Variants in SMG1 observed in about 807,000 individuals in gnomAD.
SMG1 encodes the protein serine/threonine-protein kinase SMG1.
SMG1 carries 22 observed loss-of-function variants against 419.9 expected under a neutral mutation model. The observed-to-expected ratio is 0.05, with a 90% confidence interval of 0.04 to 0.07. The LOEUF is 0.07. Ranked by LOEUF, SMG1 falls within the 10% of genes least tolerant of loss-of-function variation. SMG1 has a pLI of 1.00. For synonymous variants in SMG1, 1,538 were observed against 1,553.5 expected, an observed-to-expected ratio of 0.99 and a Z score of 0.23; for missense variants, 3,185 against 4,342.0, an observed-to-expected ratio of 0.73 and a Z score of 7.49.
At chr16:18,837,966 T>G in intron 45 of SMG1, 48 bp downstream of exon 45, 1 of 1,575,570 alleles carries the variant, frequency 6.3e-7, no homozygotes, top group Non-Finnish European at 8.7e-7. Context: ...GCATGTTTAC[T>G]CTATTAATAA....
chr16:18,830,178 T>C, intron 52 of SMG1, 41 bp downstream of exon 52: 2 of 1,611,092 alleles, frequency 1.2e-6, no homozygotes, highest in Non-Finnish European at 1.7e-6. Context: ...ACAACTACTT[T>C]ATGGCACTTG....
chr16:18,866,420 T>G, intron 23 of SMG1: 1 of 602,826 alleles, frequency 1.7e-6, no homozygotes, highest in Non-Finnish European at 2.9e-6. Context: ...TTGCCACTAA[T>G]TCTTCAGTAA....
At chr16:18,826,975 A>T (rs2032726527) in intron 55 of SMG1, among the ~76,000 whole-genome samples, 1 of 41,238 alleles carries the variant, frequency 2.4e-5, no homozygotes, top group Non-Finnish European at 6.6e-5. Context: ...GCCGTTTCTT[A>T]AGCCGGTCTG....
At chr16:18,916,801 A>C (rs1187815571) in intron 1 of SMG1, among the ~76,000 whole-genome samples, 1 of 152,128 alleles carries the variant, frequency 6.6e-6, no homozygotes, top group Non-Finnish European at 1.5e-5. Context: ...TAATGACAAC[A>C]TGAAAAGATA....
chr16:18,905,472 C>T (rs552994484), intron 1 of SMG1, among the ~76,000 whole-genome samples: 1 of 152,230 alleles, frequency 6.6e-6, no homozygotes, highest in Admixed American at 6.6e-5. Flanking sequence ...ACCTTCTTGG[C>T]TCTAAAATCC....
Position 18,812,074 on chromosome 16 carries a change from C to T in SMG1, c.10675G>A (p.Ala3559Thr), listed in dbSNP as rs1567307410. The change falls in exon 61 of 63, where the codon GCT becomes ACT. Residue 3559 changes from alanine (A) to threonine (T), a missense_variant. This residue lies in a region of SMG1 where 737 missense variants were observed against 846.6 expected (regional missense o/e 0.87). Coordinates refer to ENST00000446231, the MANE Select transcript of SMG1 (RefSeq NM_015092.5). ...AGATTTTTTTGGATCAGCTTTCTAGCATTCTGTGACATGACATCAGGCTGA... is the reference window on the plus strand; with the variant it reads ...AGATTTTTTTGGATCAGCTTTCTAGTATTCTGTGACATGACATCAGGCTGA... The part of the protein sequence containing the change: ...KTQPDVMSQN[A>T]RKLIQKNLAT... The T allele has an allele frequency of 1.2e-6, 2 of 1,613,944 alleles. No individual in the cohort carries two copies. The highest frequency in any genetic ancestry group is 1.3e-5 in the African/African-American group (1 of 75,042).
At chr16:18,874,985 A>C (rs1278142564) in intron 13 of SMG1, 2 of 142,178 alleles carry the variant, frequency 1.4e-5, no homozygotes, top group Non-Finnish European at 3.0e-5. Flanking sequence ...GAAGTGTTTC[A>C]GACTTTGTAT....
chr16:18,820,174 C>G (rs982538348), intron 55 of SMG1, among the ~76,000 whole-genome samples: 6 of 152,106 alleles, frequency 3.9e-5, no homozygotes, highest in African/African-American at 1.4e-4. Context: ...CCATCTTGGC[C>G]AGGCTGGTCT....
intron 14 of SMG1, 44 bp from the exon 15 acceptor site, chr16:18,872,389 A>C: frequency 6.6e-7 from 1 of 1,510,764 alleles, no homozygotes; most frequent in Non-Finnish European, 8.8e-7. Flanking sequence ...TTAATCAAAG[A>C]AAGCAAGCAA....
intron 24 of SMG1, 70 bp from the exon 25 acceptor site, chr16:18,863,921 A>T: frequency 6.3e-7 from 1 of 1,575,050 alleles, no homozygotes; most frequent in East Asian, 2.3e-5. Context: ...GAGCACAGAA[A>T]CCTAAAAACA....
chr16:18,864,062 A>T lies in SMG1; in HGVS notation c.3433T>A (p.Ser1145Thr). 2 of 1,549,842 alleles carry T rather than the reference A, an allele frequency of 1.3e-6. No homozygotes were observed. The highest frequency in any genetic ancestry group is 1.7e-6 in the Non-Finnish European group (2 of 1,146,918). The change falls in exon 24 of 63, where the codon TCG becomes ACG. Residue 1145 changes from serine (S) to threonine (T), a missense_variant. Physicochemically the swap from Ser to Thr is moderately conservative, Grantham distance 58 (BLOSUM62 1). Around this residue, in one of 27 missense-constraint regions of SMG1, gnomAD observed 121 missense variants for 125.4 expected, o/e 0.96. Coordinates refer to ENST00000446231, the MANE Select transcript of SMG1 (RefSeq NM_015092.5). ...CCAGCATTGGCTAAGGTGAGCACCG[A>T]TTTGTCAAAGCTGGAGATGCAGCAA... ...VDCCISSFDK[S>T]VLTLANAGRN...
Position 18,836,193 on chromosome 16 carries a change from T to C in SMG1, c.7797A>G (p.Pro2599=). ...QMDLGPPSYV[P]ATAFLQNAGQ... is the part of the protein sequence containing the mutation. ...CAGCATTCTGCAGAAAGGCTGTTGC[T>C]GGCACGTAACTTGGAGGACCTTTTG... The change falls in exon 48 of 63, where the codon CCA becomes CCG. Residue 2599 remains proline, a synonymous_variant. Transcript: ENST00000446231. The C allele has an allele frequency of 1.9e-6, 3 of 1,612,188 alleles. No homozygotes were observed. Among genetic ancestry groups the C allele is most frequent in the Non-Finnish European group, 2.5e-6 (3 of 1,178,956 alleles).
chr16:18,858,944 A>G, intron 28 of SMG1, 78 bp downstream of exon 28: 2 of 941,852 alleles, frequency 2.1e-6, no homozygotes, highest in Non-Finnish European at 3.0e-6. Context: ...TATTTCAAAA[A>G]ACTAAAAAAA....
At chr16:18,913,957 G>A (rs1165802553) in intron 1 of SMG1, among the ~76,000 whole-genome samples, 8 of 151,890 alleles carry the variant, frequency 5.3e-5, no homozygotes, top group Middle Eastern at 3.2e-3. Flanking sequence ...ACCTGAGGTC[G>A]GGAGATGAAG....
intron 25 of SMG1, among the ~76,000 whole-genome samples, chr16:18,861,872 T>C (rs1021335204): frequency 2.0e-5 from 3 of 152,184 alleles, no homozygotes; most frequent in African/African-American, 7.2e-5. Context: ...ATTCTGTCTA[T>C]AGCAACTTTG....
chr16:18,908,392 C>T (rs889143051), intron 1 of SMG1, among the ~76,000 whole-genome samples: 2 of 148,874 alleles, frequency 1.3e-5, no homozygotes, highest in African/African-American at 4.9e-5. Context: ...CCAAACATAG[C>T]CCATTCCAAC....
chr16:18,819,420 T>A, intron 56 of SMG1, 82 bp downstream of exon 56: 2 of 1,478,068 alleles, frequency 1.4e-6, no homozygotes. Context: ...CAAGCTCCCC[T>A]AGTTACCCCA....
In SMG1 at chr16:18,852,501, C is replaced by T. The variant is rs1175383381; in HGVS notation, c.4769-39G>A. Reference sequence around the variant, plus strand: ...CAAAAAAATAATTATAATAAAAGAACTCAACAATGTTACATTCATAAATTC... The same window carrying T: ...CAAAAAAATAATTATAATAAAAGAATTCAACAATGTTACATTCATAAATTC... On this transcript the variant is annotated intron_variant, in intron 31 of 62. Coordinates refer to ENST00000446231, the MANE Select transcript of SMG1 (RefSeq NM_015092.5). 9 of 1,435,548 alleles carry T rather than the reference C, an allele frequency of 6.3e-6. No individual in the cohort carries two copies. In the South Asian group the frequency reaches 1.0e-4, roughly 17 times the overall value. The allele number at this position is 1,435,548 out of a possible 1,614,324, so 88.9% of individuals were successfully genotyped here. A position where few individuals can be genotyped will look rare whatever the true frequency, so the allele number is the denominator to read the frequency against.
chr16:18,864,013 T>C lies in SMG1; in HGVS notation c.3482A>G (p.His1161Arg). 6.5e-7 allele frequency: 1 copy of C among 1,549,984 alleles called. No homozygotes were observed. Among genetic ancestry groups the C allele is most frequent in the Non-Finnish European group, 8.7e-7 (1 of 1,146,978 alleles). The change falls in exon 24 of 63, where the codon CAT becomes CGT. Residue 1161 changes from histidine (H) to arginine (R), a missense_variant. Physicochemically the swap from His to Arg is conservative, Grantham distance 29. Coordinates refer to ENST00000446231, the MANE Select transcript of SMG1 (RefSeq NM_015092.5). ...NAGRNSASPK[H>R]SLNGESRKTV... Reference sequence around the variant, plus strand: ...TACTGAACGCTCACCATTCAGAGAATGTTTCGGGCTGGCACTGTTACGCCC... The same window carrying C: ...TACTGAACGCTCACCATTCAGAGAACGTTTCGGGCTGGCACTGTTACGCCC...
Sources: allele counts gnomAD v4.1 joint callset (sites outside exome capture counted in the v4.1 genomes callset), GRCh38; gene constraint gnomAD v4.1.1; regional missense constraint gnomAD v4.1.1; transcripts MANE v1.5; gene names NCBI Gene and HGNC (gene_info 2026-07-23, HGNC 2026-07-21).